VPS13C: variants seen among roughly 807,000 people sequenced by gnomAD.
VPS13C encodes vacuolar protein sorting 13 homolog C.
In VPS13C, 358 loss-of-function variants were observed where a neutral mutation model predicts 456.8. The observed-to-expected ratio is 0.78, with a 90% CI of 0.72 to 0.86. The LOEUF is 0.86. Ranked by LOEUF, VPS13C falls within the 40% of genes least tolerant of loss-of-function variation. VPS13C has a pLI of 0.00. For synonymous variants in VPS13C, 1,578 were observed against 1,486.7 expected (o/e 1.06, Z -1.41); for missense variants, 4,818 against 4,385.4 (o/e 1.10, Z -2.79).
intron 47 of VPS13C, among the ~76,000 whole-genome samples, chr15:61,939,751 T>C (rs777886904): frequency 3.9e-5 from 6 of 152,174 alleles, no homozygotes; most frequent in African/African-American, 7.2e-5. Flanking sequence ...TCCCAGCATT[T>C]TGGGAGGCCG....
intron 28 of VPS13C, among the ~76,000 whole-genome samples, chr15:61,968,183 A>G (rs1386422972): frequency 1.3e-5 from 2 of 152,096 alleles, no homozygotes; most frequent in East Asian, 3.8e-4. Context: ...TCAACTATTA[A>G]AAAGTTATAA....
At chr15:61,998,815 C>T (rs2046486311) in intron 16 of VPS13C, among the ~76,000 whole-genome samples, 1 of 152,108 alleles carries the variant, frequency 6.6e-6, no homozygotes, top group African/African-American at 2.4e-5. Flanking sequence ...CTCTGCTACC[C>T]CTGAGACAAT....
At position 61,881,554 on chromosome 15, in the gene VPS13C, T is replaced by C. The variant is rs754669408; in HGVS notation, c.9776+9A>G. 12 of 1,583,690 alleles carry C rather than the reference T, an allele frequency of 7.6e-6. No individual in the cohort carries two copies. In the East Asian group the frequency reaches 2.7e-4, roughly 36 times the overall value. On this transcript the variant is annotated intron_variant, in intron 71 of 84. Coordinates refer to ENST00000644861, the MANE Select transcript of VPS13C (RefSeq NM_020821.3). ...TTCTTTTAGAGAAACAGCAGGAATC[T>C]TCACTTACTTGAACTGTAAGACTTT...
chr15:61,884,016 A>G, intron 68 of VPS13C, 112 bp downstream of exon 68: 2 of 929,182 alleles, frequency 2.2e-6, no homozygotes, highest in Non-Finnish European at 3.1e-6. Context: ...TTTATCTACC[A>G]ATAAATAAGT....
chr15:61,986,613 A>G (rs2046064359), intron 18 of VPS13C, among the ~76,000 whole-genome samples: 1 of 152,156 alleles, frequency 6.6e-6, no homozygotes, highest in Non-Finnish European at 1.5e-5. Context: ...AAATTGATGA[A>G]ACCTCAAGAT....
intron 8 of VPS13C, among the ~76,000 whole-genome samples, chr15:62,022,259 C>T (rs1293806589): frequency 3.3e-5 from 5 of 151,726 alleles, no homozygotes; most frequent in African/African-American, 1.2e-4. Context: ...TATATACATA[C>T]GTATGATAAA....
In VPS13C at chr15:62,037,214, T is replaced by C. The variant is rs1271451862; in HGVS notation, c.188-2162A>G. ...ATATAATAAATATAATATATAAATA[T>C]ATTATATAATATATTATATATAAAT... On this transcript the variant is annotated intron_variant, in intron 3 of 84. Transcript: ENST00000644861. 2.0e-4 allele frequency among the ~76,000 whole-genome samples: 20 copies of C among 99,124 alleles called. No homozygotes were observed. The East Asian group carries it at 5.0e-3, about 25-fold the overall frequency. The allele number at this position is 99,124 out of a possible 152,430, so 65.0% of individuals were successfully genotyped here. A position where few individuals can be genotyped will look rare whatever the true frequency, so the allele number is the denominator to read the frequency against.
intron 24 of VPS13C, among the ~76,000 whole-genome samples, 156 bp downstream of exon 24, chr15:61,976,926 T>C (rs1444151129): frequency 6.6e-6 from 1 of 152,116 alleles, no homozygotes; most frequent in Non-Finnish European, 1.5e-5. Context: ...ATAATTCAAA[T>C]ATACATTTTC....
At chr15:62,036,031 C>A (rs1445277450) in intron 3 of VPS13C, among the ~76,000 whole-genome samples, 1 of 152,026 alleles carries the variant, frequency 6.6e-6, no homozygotes, top group Non-Finnish European at 1.5e-5. Flanking sequence ...GGTCTCCAGG[C>A]AGCAAAATGT....
rs200965872 is a variant in VPS13C, at chr15:61,927,203, T to C, written c.6404A>G (p.Asn2135Ser). Residue 2135 changes from asparagine (N) to serine (S), a missense_variant, in exon 52 of 85, where the codon AAC becomes AGC. By Grantham distance (46) the Asn-to-Ser change is conservative. Coordinates refer to ENST00000644861, the MANE Select transcript of VPS13C (RefSeq NM_020821.3). ...GAGTTTGGATGTTGACAGAGAAAGG[T>C]TGCACTGAAACGAGGCTGTCAGAGC... ...APALTASFQC[N>S]LSLSTSKLEQ... 2.7e-5 allele frequency: 43 copies of C among 1,614,156 alleles called. No individual in the cohort carries two copies. In the Middle Eastern group the frequency reaches 4.9e-4, roughly 19 times the overall value.
intron 83 of VPS13C, 65 bp downstream of exon 83, chr15:61,856,221 G>A (rs1483947194): frequency 3.2e-6 from 5 of 1,580,400 alleles, no homozygotes; most frequent in Non-Finnish European, 3.4e-6. Context: ...ATTTTGTGTA[G>A]TTAACTGCAA....
intron 66 of VPS13C, among the ~76,000 whole-genome samples, chr15:61,899,870 AC>A (rs201478856): frequency 0.052 from 7,836 of 151,924 alleles, 354 homozygotes; most frequent in African/African-American, 0.12. Flanking sequence ...TGAATAAAAT[AC>A]TGGCAAAACG....
intron 27 of VPS13C, 40 bp downstream of exon 27, chr15:61,972,585 C>T (rs372284601): frequency 2.9e-5 from 46 of 1,596,448 alleles, no homozygotes; most frequent in Non-Finnish European, 3.9e-5. Context: ...AAGATAGTGA[C>T]AGCCAGAATA....
At chr15:62,027,246 TA>T (rs145428490) in intron 6 of VPS13C, among the ~76,000 whole-genome samples, 160 of 151,390 alleles carry the variant, frequency 1.1e-3, no homozygotes, top group African/African-American at 3.6e-3. Flanking sequence ...AATATACCTT[TA>T]AAAAAAAACT....
rs571868259 is a variant in VPS13C, at chr15:61,955,872, T to C, written c.4166-1318A>G. ...AAAGGGAATACTTATACACTGTAGG[T>C]AGAAATATACATTATTAGTTCAGCC... On this transcript the variant is annotated intron_variant, in intron 37 of 84. Transcript: ENST00000644861. Among the ~76,000 whole-genome samples, 7 of 152,250 alleles carry C rather than the reference T, an allele frequency of 4.6e-5. No individual in the cohort carries two copies. In the East Asian group the frequency reaches 1.4e-3, roughly 29 times the overall value.
chr15:61,991,706 T>C lies in VPS13C; in HGVS notation c.1450A>G (p.Lys484Glu), dbSNP rs1361988123. 4 of 1,612,706 alleles carry C rather than the reference T, an allele frequency of 2.5e-6. No homozygotes were observed. The highest frequency in any genetic ancestry group is 3.4e-6 in the Non-Finnish European group (4 of 1,179,314). ...FSGLWGKKES[K>E]KKDEESLIPE... Reference sequence around the variant, plus strand: ...ATCAATGATTCTTCGTCCTTTTTCTTAGACTCTTTCTTACCCCACAACCCA... The same window carrying C: ...ATCAATGATTCTTCGTCCTTTTTCTCAGACTCTTTCTTACCCCACAACCCA... The change falls in exon 17 of 85, where the codon AAG becomes GAG. Residue 484 changes from lysine (K) to glutamate (E), a missense_variant. Transcript: ENST00000644861.
chr15:61,890,737 T>C (rs915008746), intron 66 of VPS13C, among the ~76,000 whole-genome samples: 3 of 152,048 alleles, frequency 2.0e-5, no homozygotes, highest in Non-Finnish European at 4.4e-5. Flanking sequence ...AACAGAATGG[T>C]TCGGAAGTTT....
chr15:61,936,989 C>A (rs761917398), intron 47 of VPS13C, among the ~76,000 whole-genome samples: 1 of 152,198 alleles, frequency 6.6e-6, no homozygotes, highest in Non-Finnish European at 1.5e-5. Flanking sequence ...CTCTCTATGG[C>A]TTATCTGTTA....
chr15:62,022,991 G>C (rs545718543), intron 8 of VPS13C, among the ~76,000 whole-genome samples: 1 of 151,996 alleles, frequency 6.6e-6, no homozygotes, highest in East Asian at 1.9e-4. Context: ...GGTATGTAAA[G>C]AGAATGAGAC....
Sources: allele counts gnomAD v4.1 joint callset (sites outside exome capture counted in the v4.1 genomes callset), GRCh38; gene constraint gnomAD v4.1.1; transcripts MANE v1.5; gene names NCBI Gene and HGNC (gene_info 2026-07-23, HGNC 2026-07-21).